CEP85L: variants seen among roughly 807,000 people sequenced by gnomAD.
The protein encoded by CEP85L is centrosomal protein 85L, also known as centrosomal protein of 85 kDa-like.
Under a neutral mutation model 100.3 loss-of-function variants are expected in CEP85L, and 60 were observed. The ratio of observed to expected loss-of-function variants is 0.60; its 90% CI spans 0.49 to 0.74. The LOEUF is 0.74. Among genes scored for constraint, CEP85L ranks in the 30% least tolerant of loss-of-function variants. CEP85L has a pLI of 0.00. For missense variants in CEP85L, 973 were observed against 936.2 expected, an observed-to-expected ratio of 1.04 and a Z score of -0.51; for synonymous variants, 319 against 322.7, an observed-to-expected ratio of 0.99 and a Z score of 0.12.
In CEP85L at chr6:118,524,097, T is replaced by C. The variant is rs185199835; in HGVS notation, c.1021-177A>G. On this transcript the variant is annotated intron_variant, in intron 3 of 12. Coordinates refer to ENST00000368491, the MANE Select transcript of CEP85L (RefSeq NM_001042475.3). ...AACTTGGACAATTTCAAGGAAGTTC[T>C]AAAGGAAATGTATACATCTAATGAA... Among the ~76,000 whole-genome samples, 169 of 152,252 alleles carry C rather than the reference T, an allele frequency of 1.1e-3. 1 individual carries two copies. The highest frequency in any genetic ancestry group is 3.9e-3 in the African/African-American group (160 of 41,550).
chr6:118,486,047 T>G (rs1774157031), intron 6 of CEP85L, among the ~76,000 whole-genome samples: 1 of 152,226 alleles, frequency 6.6e-6, no homozygotes, highest in Non-Finnish European at 1.5e-5. Context: ...CTTCCCTTGA[T>G]CACAAATTGC....
intron 3 of CEP85L, among the ~76,000 whole-genome samples, chr6:118,543,815 T>G (rs1217332352): frequency 6.6e-6 from 1 of 152,204 alleles, no homozygotes; most frequent in Non-Finnish European, 1.5e-5. Flanking sequence ...CAATAAAAAG[T>G]TCTCAGCATG....
intron 8 of CEP85L, among the ~76,000 whole-genome samples, chr6:118,480,983 A>G (rs773158101): frequency 6.6e-6 from 1 of 151,034 alleles, no homozygotes; most frequent in Non-Finnish European, 1.5e-5. Context: ...GTAGAGTTGC[A>G]TTTCTCTTTC....
rs966193249 is a variant in CEP85L at position 118,522,885 on chromosome 6, A to T, written c.1139+917T>A. On this transcript the variant is annotated intron_variant, in intron 4 of 12. Transcript: ENST00000368491. Reference sequence around the variant, plus strand: ...CAGACTGAGACTCCCAAAAAAAAAAAAAAATTGGGGGAATATAGTGGAGAA... The same window carrying T: ...CAGACTGAGACTCCCAAAAAAAAAATAAAATTGGGGGAATATAGTGGAGAA... Among the ~76,000 whole-genome samples, 200 of 152,238 alleles carry T rather than the reference A, an allele frequency of 1.3e-3. 1 individual carries two copies. The highest frequency in any genetic ancestry group is 1.9e-3 in the Non-Finnish European group (132 of 67,998).
intron 1 of CEP85L, chr6:118,646,812 C>T (rs1775230300): frequency 4.8e-6 from 2 of 412,576 alleles, no homozygotes; most frequent in Non-Finnish European, 6.5e-6. Context: ...TATAAAAATA[C>T]ACATTTCATC....
chr6:118,532,064 C>T (rs1428831115), intron 3 of CEP85L, among the ~76,000 whole-genome samples: 1 of 152,094 alleles, frequency 6.6e-6, no homozygotes, highest in Non-Finnish European at 1.5e-5. Flanking sequence ...TTCATCGCAG[C>T]ACTATTCACA....
intron 3 of CEP85L, chr6:118,558,953 C>G: frequency 6.2e-7 from 1 of 1,613,830 alleles, no homozygotes; most frequent in Non-Finnish European, 8.5e-7. Flanking sequence ...ACTCGCTCAG[C>G]TATAAGAAGA....
chr6:118,465,688 G>A (rs772406738), intron 12 of CEP85L, 120 bp from the exon 13 acceptor site: 1 of 820,418 alleles, frequency 1.2e-6, no homozygotes, highest in South Asian at 1.9e-5. Flanking sequence ...GTGAGGCTCA[G>A]GTTCAAGTTA....
rs543380500 is a variant in CEP85L, at chr6:118,479,570, A to G, written c.1914+301T>C. ...AATTTTTTAAAATAACATGTTTAAC[A>G]GCAATTTTTTTCATAGCACCTGGTA... On this transcript the variant is annotated intron_variant, in intron 10 of 12. Coordinates refer to ENST00000368491, the MANE Select transcript of CEP85L (RefSeq NM_001042475.3). Among the ~76,000 whole-genome samples the G allele has an allele frequency of 1.1e-4, 17 of 152,238 alleles. No individual in the cohort carries two copies. In the East Asian group the frequency reaches 3.3e-3, roughly 29 times the overall value.
At chr6:118,518,899 T>G (rs1398812463) in intron 4 of CEP85L, among the ~76,000 whole-genome samples, 1 of 152,238 alleles carries the variant, frequency 6.6e-6, no homozygotes, top group African/African-American at 2.4e-5. Context: ...AACACTGCTT[T>G]AAATGTGTCT....
At chr6:118,578,727 C>CA (rs1322567976) in intron 2 of CEP85L, among the ~76,000 whole-genome samples, 3 of 151,764 alleles carry the variant, frequency 2.0e-5, no homozygotes, top group Admixed American at 6.6e-5. Flanking sequence ...GACTCCATCT[C>CA]AAAAAAAATA....
intron 1 of CEP85L, among the ~76,000 whole-genome samples, chr6:118,633,841 T>A (rs377529688): frequency 6.6e-6 from 1 of 152,236 alleles, no homozygotes. Context: ...TAAGTCTCAA[T>A]TCAGGGCTTA....
chr6:118,651,522 G>A lies in CEP85L; in HGVS notation c.-253C>T. ...GCCGGGGAAGCGGCGACTCGGCGGTGACGGCTGCTAGATCCCCGGCTGAGC... is the reference window on the plus strand; with the variant it reads ...GCCGGGGAAGCGGCGACTCGGCGGTAACGGCTGCTAGATCCCCGGCTGAGC... On this transcript the variant is annotated 5_prime_UTR_variant, in exon 1 of 13. Coordinates refer to ENST00000368491, the MANE Select transcript of CEP85L (RefSeq NM_001042475.3). 2 of 1,275,374 alleles carry A rather than the reference G, an allele frequency of 1.6e-6. No individual in the cohort carries two copies. Among genetic ancestry groups the A allele is most frequent in the Non-Finnish European group, 2.0e-6 (2 of 1,011,796 alleles). 79.0% of individuals were successfully genotyped at this position (1,275,374 alleles called of 1,614,324 possible). A position where few individuals can be genotyped will look rare whatever the true frequency, so the allele number is the denominator to read the frequency against.
chr6:118,704,601 G>A (rs1375406952), intron 1 of CEP85L, among the ~76,000 whole-genome samples: 1 of 152,186 alleles, frequency 6.6e-6, no homozygotes, highest in African/African-American at 2.4e-5. Flanking sequence ...CTTCCGAGTA[G>A]CTGGGATTGC....
chr6:118,560,696 T>G (rs912882797), intron 3 of CEP85L: 1 of 166,520 alleles, frequency 6.0e-6, no homozygotes, highest in Non-Finnish European at 1.5e-5. Flanking sequence ...GATCCAGCTA[T>G]GCTATTTATA....
At chr6:118,686,298 T>C (rs1207067378) in intron 1 of CEP85L, among the ~76,000 whole-genome samples, 5 of 152,214 alleles carry the variant, frequency 3.3e-5, no homozygotes, top group Non-Finnish European at 5.9e-5. Context: ...TGTACTGTTG[T>C]GCAACCATCA....
At chr6:118,637,342 A>G (rs1487946787) in intron 1 of CEP85L, among the ~76,000 whole-genome samples, 1 of 152,150 alleles carries the variant, frequency 6.6e-6, no homozygotes, top group Non-Finnish European at 1.5e-5. Context: ...GCCACCTTAT[A>G]AACTTGAACC....
At chr6:118,524,177 T>C (rs1046597368) in intron 3 of CEP85L, among the ~76,000 whole-genome samples, 6 of 152,096 alleles carry the variant, frequency 3.9e-5, no homozygotes, top group Admixed American at 3.9e-4. Context: ...ATATAAGATC[T>C]TGGCCAGGCG....
intron 2 of CEP85L, among the ~76,000 whole-genome samples, chr6:118,592,423 T>C: frequency 6.6e-6 from 1 of 151,676 alleles, no homozygotes; most frequent in Admixed American, 6.6e-5. Flanking sequence ...ATAAGTTATA[T>C]ATAATGTGTA....
Sources: gnomAD v4.1 joint callset for allele counts (sites outside exome capture counted in the v4.1 genomes callset) on GRCh38, gnomAD v4.1.1 for gene constraint, MANE v1.5 for transcripts, NCBI Gene and HGNC (gene_info 2026-07-23, HGNC 2026-07-21) for gene names.